EDEM2: variants seen among roughly 807,000 people sequenced by gnomAD.
EDEM2 encodes ER degradation-enhancing alpha-mannosidase-like protein 2.
EDEM2 carries 39 observed loss-of-function variants against 64.8 expected under a neutral mutation model. The ratio of observed to expected loss-of-function variants is 0.60; its 90% CI spans 0.47 to 0.79. EDEM2 has a LOEUF of 0.79. Among genes scored for constraint, EDEM2 ranks in the 30% least tolerant of loss-of-function variants. The probability of loss-of-function intolerance (pLI) is 0.00; values close to 1 mark genes in which losing one functional copy is unlikely to be tolerated. For missense variants in EDEM2, 609 were observed against 731.3 expected (o/e 0.83, Z 1.93); for synonymous variants, 296 against 291.5 (o/e 1.02, Z -0.16).
In EDEM2 at chr20:35,120,741, G is replaced by A. The variant is rs563003671; in HGVS notation, c.1115-2022C>T. 3.9e-5 allele frequency among the ~76,000 whole-genome samples: 6 copies of A among 152,010 alleles called. No individual in the cohort carries two copies. In the South Asian group the frequency reaches 1.2e-3, roughly 32 times the overall value. ...GCCTCCTGAGTAGCTGGGACTACAG[G>A]CACATGCCACCGTGCCCGGCTAATT... On this transcript the variant is annotated intron_variant, in intron 9 of 10. Transcript: ENST00000374492.
intron 7 of EDEM2, among the ~76,000 whole-genome samples, chr20:35,130,792 A>G (rs965245318): frequency 1.3e-5 from 2 of 152,224 alleles, no homozygotes; most frequent in African/African-American, 4.8e-5. Flanking sequence ...GGTGCTCAAC[A>G]ATTCCTCAAG....
At chr20:35,138,624 GGCTGGA>G (rs2085610533) in intron 4 of EDEM2, among the ~76,000 whole-genome samples, 2 of 148,522 alleles carry the variant, frequency 1.3e-5, no homozygotes, top group African/African-American at 5.0e-5. Context: ...CTGTCACCTA[GGCTGGA>G]GTGCAGTGGC....
At chr20:35,129,804 C>T (rs2085484233) in intron 7 of EDEM2, among the ~76,000 whole-genome samples, 1 of 152,098 alleles carries the variant, frequency 6.6e-6, no homozygotes, top group African/African-American at 2.4e-5. Flanking sequence ...TACATACTTA[C>T]CATTCTATTA....
chr20:35,125,241 C>T (rs1332567101), intron 8 of EDEM2, among the ~76,000 whole-genome samples: 1 of 150,970 alleles, frequency 6.6e-6, no homozygotes, highest in Non-Finnish European at 1.5e-5. Context: ...CACTCTGTCA[C>T]CCAGGCTGCA....
chr20:35,124,894 T>C (rs2085411970), intron 8 of EDEM2, among the ~76,000 whole-genome samples: 1 of 152,156 alleles, frequency 6.6e-6, no homozygotes, highest in African/African-American at 2.4e-5. Context: ...TCACATCAAA[T>C]AGATGTAAAA....
rs528767024 is a variant in EDEM2 at position 35,118,581 on chromosome 20, G to C, written c.1236+17C>G. The C allele has an allele frequency of 4.3e-6, 7 of 1,613,830 alleles. No homozygotes were observed. In the South Asian group the frequency reaches 7.7e-5, roughly 18 times the overall value. ...GGGGAGACTCTTCCCAGTTCTTGGGGCCATGCAAACACTTACTGTTGCAAA... is the reference window on the plus strand; with the variant it reads ...GGGGAGACTCTTCCCAGTTCTTGGGCCCATGCAAACACTTACTGTTGCAAA... On this transcript the variant is annotated intron_variant, in intron 10 of 10. Transcript: ENST00000374492.
intron 4 of EDEM2, among the ~76,000 whole-genome samples, chr20:35,139,303 T>C (rs1420947206): frequency 5.4e-5 from 8 of 147,092 alleles, no homozygotes; most frequent in Admixed American, 1.4e-4. Flanking sequence ...TGAGCCAAGA[T>C]TGCACCACTG....
intron 2 of EDEM2, among the ~76,000 whole-genome samples, chr20:35,146,048 T>C (rs1435442941): frequency 6.7e-6 from 1 of 149,636 alleles, no homozygotes; most frequent in Non-Finnish European, 1.5e-5. Context: ...TATATGTAAA[T>C]TATGCCTTTA....
chr20:35,142,580 A>G, intron 3 of EDEM2, 102 bp from the exon 4 acceptor site: 1 of 808,782 alleles, frequency 1.2e-6, no homozygotes. Flanking sequence ...AATTCCACTT[A>G]AGACCTCCAG....
At chr20:35,141,654 C>T (rs921658265) in intron 4 of EDEM2, among the ~76,000 whole-genome samples, 33 of 152,076 alleles carry the variant, frequency 2.2e-4, no homozygotes, top group African/African-American at 7.5e-4. Flanking sequence ...TCTAGAGGTT[C>T]GATGCAAATA....
chr20:35,125,110 C>T (rs2085414297), intron 8 of EDEM2, among the ~76,000 whole-genome samples: 1 of 152,124 alleles, frequency 6.6e-6, no homozygotes, highest in African/African-American at 2.4e-5. Context: ...CTTACTTTCC[C>T]ACGAAATTGC....
chr20:35,120,456 C>T (rs908370408), intron 9 of EDEM2, among the ~76,000 whole-genome samples: 11 of 152,086 alleles, frequency 7.2e-5, no homozygotes, highest in African/African-American at 2.7e-4. Flanking sequence ...TAGACAATTG[C>T]TAATCTAATT....
At chr20:35,122,163 C>T (rs984311240) in intron 9 of EDEM2, among the ~76,000 whole-genome samples, 1 of 152,112 alleles carries the variant, frequency 6.6e-6, no homozygotes, top group Admixed American at 6.5e-5. Context: ...TGTTAAGTAG[C>T]AAGCTCCTTG....
At chr20:35,125,342 T>A (rs1158909304) in intron 8 of EDEM2, among the ~76,000 whole-genome samples, 7 of 151,860 alleles carry the variant, frequency 4.6e-5, no homozygotes. Flanking sequence ...ACTACAGGCA[T>A]GTGCCACCAC....
chr20:35,132,689 A>G (rs2085521650), intron 6 of EDEM2, among the ~76,000 whole-genome samples: 1 of 152,038 alleles, frequency 6.6e-6, no homozygotes, highest in Non-Finnish European at 1.5e-5. Context: ...TTTCTATTTT[A>G]TTGTATTTAT....
chr20:35,120,672 A>G (rs2085357848), intron 9 of EDEM2, among the ~76,000 whole-genome samples: 1 of 141,920 alleles, frequency 7.0e-6, no homozygotes, highest in African/African-American at 2.7e-5. Flanking sequence ...ATCTTGGCTC[A>G]CTGCAACCTC....
chr20:35,125,470 C>T (rs1239454629), intron 8 of EDEM2, among the ~76,000 whole-genome samples: 2 of 151,924 alleles, frequency 1.3e-5, no homozygotes, highest in East Asian at 1.9e-4. Flanking sequence ...CTGCAAGCTC[C>T]GCCTCCCAGG....
intron 7 of EDEM2, among the ~76,000 whole-genome samples, chr20:35,127,818 G>A (rs955913971): frequency 3.9e-4 from 59 of 152,238 alleles, no homozygotes; most frequent in African/African-American, 1.4e-3. Flanking sequence ...ACAACATGTT[G>A]GTCAACACTG....
intron 3 of EDEM2, among the ~76,000 whole-genome samples, chr20:35,143,683 C>T (rs1346913700): frequency 2.0e-5 from 3 of 152,176 alleles, no homozygotes; most frequent in African/African-American, 4.8e-5. Context: ...TGATCCCATC[C>T]CTCTAGCTGT....
Sources: gnomAD v4.1 joint callset for allele counts (sites outside exome capture counted in the v4.1 genomes callset) on GRCh38, gnomAD v4.1.1 for gene constraint, MANE v1.5 for transcripts, NCBI Gene and HGNC (gene_info 2026-07-23, HGNC 2026-07-21) for gene names.